TMA16: variants seen among roughly 807,000 people sequenced by gnomAD.
TMA16 encodes translation machinery-associated protein 16.
TMA16 carries 26 observed loss-of-function variants against 27.1 expected under a neutral mutation model. The observed-to-expected ratio is 0.96, with a 90% confidence interval of 0.70 to 1.33. The LOEUF is 1.33. TMA16 is among the 40% of genes most tolerant of loss of function. TMA16 has a pLI of 0.00. For synonymous variants in TMA16, 71 were observed against 81.9 expected (o/e 0.87, Z 0.72); for missense variants, 233 against 241.4 (o/e 0.97, Z 0.23).
rs1214510619 is a variant in TMA16, at chr4:163,507,096, A to T, written c.67A>T (p.Lys23Ter). ...AAAAGTCATCCATCCATATAGTAGA[A>T]AAGCAGCTCAAATTACGAGAGAGGC... ...EKKVIHPYSR[K>*]AAQITREAHK... Residue 23 changes from lysine (K) to a stop codon, truncating the protein, a stop_gained, in exon 2 of 7, where the codon AAA (lysine) becomes TAA (stop). Transcript: ENST00000358572. LOFTEE classifies it high-confidence loss of function. 2.5e-6 allele frequency: 4 copies of T among 1,593,752 alleles called. No individual in the cohort carries two copies. The highest frequency in any genetic ancestry group is 3.4e-6 in the Non-Finnish European group (4 of 1,169,002).
intron 1 of TMA16, among the ~76,000 whole-genome samples, chr4:163,501,924 C>G (rs1288883439): frequency 6.6e-6 from 1 of 152,132 alleles, no homozygotes; most frequent in Admixed American, 6.5e-5. Flanking sequence ...ATTTTCTAGC[C>G]AGCACTTACT....
chr4:163,500,368 G>A (rs1432744188), intron 1 of TMA16, among the ~76,000 whole-genome samples: 5 of 151,984 alleles, frequency 3.3e-5, no homozygotes, highest in African/African-American at 4.8e-5. Flanking sequence ...GCACCACCAC[G>A]CCTGGCTAAT....
chr4:163,512,714 C>A, intron 2 of TMA16, 108 bp from the exon 3 acceptor site: 1 of 671,132 alleles, frequency 1.5e-6, no homozygotes. Context: ...AAAAGAATGA[C>A]CTTTTAATTA....
intron 2 of TMA16, among the ~76,000 whole-genome samples, chr4:163,511,930 T>G (rs908626545): frequency 1.3e-5 from 2 of 152,150 alleles, no homozygotes; most frequent in African/African-American, 4.8e-5. Context: ...TCTTTGTGGA[T>G]AAAAGCCATG....
At chr4:163,517,125 A>G in intron 5 of TMA16, 1 of 290,586 alleles carries the variant, frequency 3.4e-6, no homozygotes, top group East Asian at 1.1e-4. Flanking sequence ...GATGGTCTTG[A>G]TCTCCTGACC....
At chr4:163,505,205 A>G (rs536024028) in intron 1 of TMA16, among the ~76,000 whole-genome samples, 3 of 152,180 alleles carry the variant, frequency 2.0e-5, no homozygotes, top group South Asian at 2.1e-4. Context: ...TACTTGATTC[A>G]TGTTTGCTAG....
chr4:163,510,331 A>T (rs1382170304), intron 2 of TMA16, among the ~76,000 whole-genome samples: 1 of 152,218 alleles, frequency 6.6e-6, no homozygotes, highest in Non-Finnish European at 1.5e-5. Flanking sequence ...ATCAGTATGT[A>T]GTATACAATT....
chr4:163,518,074 G>C (rs1737911578), intron 6 of TMA16, among the ~76,000 whole-genome samples: 1 of 151,858 alleles, frequency 6.6e-6, no homozygotes, highest in Non-Finnish European at 1.5e-5. Context: ...GAGTAAGAAT[G>C]AATCTACCCA....
Position 163,520,097 on chromosome 4 carries a change from T to C in TMA16, c.*583T>C, listed in dbSNP as rs1737949605. 4 of 527,806 alleles carry C rather than the reference T, an allele frequency of 7.6e-6. No individual in the cohort carries two copies. The highest frequency in any genetic ancestry group is 1.4e-5 in the Non-Finnish European group (4 of 296,160). 32.7% of individuals were successfully genotyped at this position (527,806 alleles called of 1,614,324 possible). A position where few individuals can be genotyped will look rare whatever the true frequency, so the allele number is the denominator to read the frequency against. On this transcript the variant is annotated 3_prime_UTR_variant, in exon 7 of 7. Coordinates refer to ENST00000358572, the MANE Select transcript of TMA16 (RefSeq NM_018352.3). ...AAAAAATCAGTGATGATTGTTATGT[T>C]GATCTCCCACAATTAATTTATCTTT...
chr4:163,494,781 C>G lies in TMA16; in HGVS notation c.-21C>G, dbSNP rs766028314. 7.4e-6 allele frequency: 12 copies of G among 1,612,912 alleles called. No individual in the cohort carries two copies. The highest frequency in any genetic ancestry group is 1.0e-5 in the Non-Finnish European group (12 of 1,180,026). ...CTGGGTCTAGAGTGCGGAGCTGCTC[C>G]GTGGCCACGAGGACGTCACCATGGT... On this transcript the variant is annotated 5_prime_UTR_variant, in exon 1 of 7. Transcript: ENST00000358572.
intron 1 of TMA16, among the ~76,000 whole-genome samples, chr4:163,495,635 CAATT>C (rs984508266): frequency 1.1e-4 from 17 of 152,002 alleles, no homozygotes; most frequent in Admixed American, 3.3e-4. Flanking sequence ...AAATTTTTTT[CAATT>C]AATTTTTAAT....
chr4:163,504,033 A>T (rs1737684960), intron 1 of TMA16, among the ~76,000 whole-genome samples: 1 of 152,154 alleles, frequency 6.6e-6, no homozygotes, highest in African/African-American at 2.4e-5. Flanking sequence ...AGCTATGAGG[A>T]CGTTTTTATA....
chr4:163,507,411 T>G (rs1004228594), intron 2 of TMA16, among the ~76,000 whole-genome samples: 6 of 152,172 alleles, frequency 3.9e-5, no homozygotes, highest in Non-Finnish European at 8.8e-5. Flanking sequence ...GAAGTTGTTT[T>G]ACGTGGGATA....
rs189181045 is a variant in TMA16, at chr4:163,515,330, G to T, written c.257G>T (p.Ser86Ile). ...ELIERYLNRF[S>I]SELEQIELHN... Reference sequence around the variant, plus strand: ...TTTTTCAGGTACTTAAATCGATTCAGCAGTGAGCTGGAGCAGATTGAGTTA... The same window carrying T: ...TTTTTCAGGTACTTAAATCGATTCATCAGTGAGCTGGAGCAGATTGAGTTA... Residue 86 changes from serine (S) to isoleucine (I), a missense_variant, in exon 5 of 7, where the codon AGC becomes ATC. Transcript: ENST00000358572. 2 of 1,611,592 alleles carry T rather than the reference G, an allele frequency of 1.2e-6. No individual in the cohort carries two copies. The highest frequency in any genetic ancestry group is 1.7e-6 in the Non-Finnish European group (2 of 1,179,320).
intron 5 of TMA16, among the ~76,000 whole-genome samples, chr4:163,516,450 CT>C (rs1338423910): frequency 6.6e-6 from 1 of 152,222 alleles, no homozygotes; most frequent in African/African-American, 2.4e-5. Flanking sequence ...CACCTAGCCC[CT>C]CATACTGTTA....
At chr4:163,506,457 T>C (rs75371501) in intron 1 of TMA16, among the ~76,000 whole-genome samples, 1,651 of 152,266 alleles carry the variant, frequency 0.011, 25 homozygotes, top group African/African-American at 0.036. Context: ...ACCTAATGAA[T>C]TGTGGGCTGA....
intron 2 of TMA16, among the ~76,000 whole-genome samples, chr4:163,511,436 G>A (rs967184677): frequency 1.3e-5 from 2 of 151,954 alleles, no homozygotes; most frequent in Non-Finnish European, 2.9e-5. Flanking sequence ...AGTAAGGACT[G>A]TTTATATATT....
At chr4:163,503,341 G>C (rs7662994) in intron 1 of TMA16, among the ~76,000 whole-genome samples, 2 of 151,924 alleles carry the variant, frequency 1.3e-5, no homozygotes, top group Non-Finnish European at 2.9e-5. Context: ...ATGTATTTAC[G>C]TACACTTTGT....
chr4:163,498,677 T>C (rs550789768), intron 1 of TMA16, among the ~76,000 whole-genome samples: 164 of 152,304 alleles, frequency 1.1e-3, no homozygotes, highest in African/African-American at 3.8e-3. Flanking sequence ...TAAAAAACTT[T>C]TTTTAGAGAT....
Sources: allele counts gnomAD v4.1 joint callset (sites outside exome capture counted in the v4.1 genomes callset), GRCh38; gene constraint gnomAD v4.1.1; transcripts MANE v1.5; gene names NCBI Gene and HGNC (gene_info 2026-07-23, HGNC 2026-07-21).